Variants in ARHGAP22 observed in about 807,000 individuals in gnomAD.
ARHGAP22 encodes rho GTPase-activating protein 22.
Under a neutral mutation model 59.1 loss-of-function variants are expected in ARHGAP22, and 48 were observed. The ratio of observed to expected loss-of-function variants is 0.81; its 90% confidence interval spans 0.64 to 1.03. The LOEUF is 1.03. Among genes scored for constraint, ARHGAP22 ranks in the 50% least tolerant of loss-of-function variants. ARHGAP22 has a pLI of 0.00. For synonymous variants in ARHGAP22, 445 were observed against 416.4 expected, an observed-to-expected ratio of 1.07 and a Z score of -0.84; for missense variants, 1,015 against 958.7, an observed-to-expected ratio of 1.06 and a Z score of -0.78.
At chr10:48,487,829 G>A (rs943079464) in intron 3 of ARHGAP22, among the ~76,000 whole-genome samples, 3 of 152,204 alleles carry the variant, frequency 2.0e-5, no homozygotes. Flanking sequence ...CACTTTGGGA[G>A]GCTGAGGTGG....
Position 48,450,466 on chromosome 10 carries a change from G to A in ARHGAP22, c.1663C>T (p.Pro555Ser). 6.5e-7 allele frequency: 1 copy of A among 1,543,264 alleles called. No homozygotes were observed. Among genetic ancestry groups the A allele is most frequent in the Non-Finnish European group, 8.7e-7 (1 of 1,143,308 alleles). Residue 555 changes from proline to serine, a missense_variant, in exon 9 of 10, where the codon CCC becomes TCC. Transcript: ENST00000249601. Reference sequence around the variant, plus strand: ...GACTTGGGGTCCTCGCTGCTGCTGGGGAGCGGGGAGGGCTCCAGGGCCCAG... The same window carrying A: ...GACTTGGGGTCCTCGCTGCTGCTGGAGAGCGGGGAGGGCTCCAGGGCCCAG... Reference protein sequence around the residue: ...TDWALEPSPLPSSSEDPKSLD... With the variant: ...TDWALEPSPLSSSSEDPKSLD...
intron 2 of ARHGAP22, among the ~76,000 whole-genome samples, chr10:48,576,969 G>A (rs2058755707): frequency 7.1e-6 from 1 of 141,732 alleles, no homozygotes; most frequent in African/African-American, 2.6e-5. Flanking sequence ...GGTAATTTTG[G>A]TTATCTCAGT....
intron 3 of ARHGAP22, among the ~76,000 whole-genome samples, chr10:48,553,992 A>G (rs1205946334): frequency 6.6e-6 from 1 of 152,122 alleles, no homozygotes; most frequent in East Asian, 1.9e-4. Flanking sequence ...TTTCTTCTCT[A>G]TCTGAATAGC....
chr10:48,570,732 C>A (rs1409776540), intron 2 of ARHGAP22, among the ~76,000 whole-genome samples: 2 of 152,186 alleles, frequency 1.3e-5, no homozygotes, highest in African/African-American at 4.8e-5. Context: ...TCACCAAGAG[C>A]AATGAGATCC....
intron 1 of ARHGAP22, among the ~76,000 whole-genome samples, chr10:48,637,640 GGATGGATA>G (rs1377219618): frequency 6.6e-6 from 1 of 151,864 alleles, no homozygotes; most frequent in Non-Finnish European, 1.5e-5. Context: ...GTGAATAGAT[GGATGGATA>G]GATGGATAGA....
At chr10:48,647,898 C>T (rs575377500) in intron 1 of ARHGAP22, among the ~76,000 whole-genome samples, 4 of 152,168 alleles carry the variant, frequency 2.6e-5, no homozygotes, top group Non-Finnish European at 5.9e-5. Context: ...ACATGAATGA[C>T]CCTCAAAACG....
chr10:48,615,774 TA>T (rs1191808983), intron 1 of ARHGAP22, among the ~76,000 whole-genome samples: 3 of 152,252 alleles, frequency 2.0e-5, no homozygotes, highest in African/African-American at 7.2e-5. Context: ...TATCATCAAG[TA>T]CTGAACTTCG....
intron 3 of ARHGAP22, among the ~76,000 whole-genome samples, chr10:48,523,127 G>A (rs1213949014): frequency 6.6e-6 from 1 of 152,124 alleles, no homozygotes; most frequent in Non-Finnish European, 1.5e-5. Flanking sequence ...TGCTCATTCT[G>A]GCAGAGCCTG....
intron 1 of ARHGAP22, among the ~76,000 whole-genome samples, chr10:48,597,083 G>A (rs772346996): frequency 2.0e-5 from 3 of 152,130 alleles, no homozygotes; most frequent in African/African-American, 4.8e-5. Flanking sequence ...GGCTCTCAAC[G>A]CAGAATGATT....
intron 3 of ARHGAP22, among the ~76,000 whole-genome samples, chr10:48,501,395 G>T (rs2051507644): frequency 6.6e-6 from 1 of 152,222 alleles, no homozygotes; most frequent in Non-Finnish European, 1.5e-5. Flanking sequence ...CAGGTGTGTG[G>T]GTAAGGCCAG....
chr10:48,656,265 TGGGGG>T (rs760924651), upstream of ARHGAP22: 2 of 101,644 alleles, frequency 2.0e-5, no homozygotes, highest in East Asian at 6.1e-4. Context: ...TCGGCGCCTC[TGGGGG>T]GGGGGGGGCG....
rs1306888266 is a variant in ARHGAP22, at chr10:48,578,116, C to CT, written c.234+4836dup. Among the ~76,000 whole-genome samples, 6 of 151,994 alleles carry CT rather than the reference C, an allele frequency of 3.9e-5. No homozygotes were observed. The East Asian group carries it at 9.7e-4, about 24-fold the overall frequency. ...GAGCCACTGCGCCTGGCCCTAACTG[C>CT]TTTTTTTTAAGTTAACCTTCACCCA... On this transcript the variant is annotated intron_variant, in intron 2 of 9. Transcript: ENST00000249601.
intron 2 of ARHGAP22, among the ~76,000 whole-genome samples, chr10:48,577,646 T>C (rs1263456389): frequency 6.6e-6 from 1 of 152,012 alleles, no homozygotes; most frequent in Admixed American, 6.6e-5. Context: ...CTCTAAGATA[T>C]TCCACCAAGA....
chr10:48,517,060 G>A (rs993397246), intron 3 of ARHGAP22, among the ~76,000 whole-genome samples: 1 of 152,160 alleles, frequency 6.6e-6, no homozygotes, highest in Non-Finnish European at 1.5e-5. Context: ...GCAGGGCTGG[G>A]GACGAGGGGA....
intron 2 of ARHGAP22, among the ~76,000 whole-genome samples, chr10:48,581,395 C>A (rs1323660073): frequency 6.6e-6 from 1 of 152,342 alleles, no homozygotes; most frequent in East Asian, 1.9e-4. Context: ...CCTCCATATT[C>A]CGTTTCAGAA....
At chr10:48,483,241 G>T (rs1026739447) in intron 3 of ARHGAP22, among the ~76,000 whole-genome samples, 1 of 152,106 alleles carries the variant, frequency 6.6e-6, no homozygotes, top group African/African-American at 2.4e-5. Flanking sequence ...AAACATTGGG[G>T]TACATTAACG....
intron 1 of ARHGAP22, among the ~76,000 whole-genome samples, chr10:48,641,488 CAA>C (rs1359091847): frequency 6.6e-6 from 1 of 152,126 alleles, no homozygotes; most frequent in Admixed American, 6.5e-5. Flanking sequence ...GAACCAAAGA[CAA>C]AAACCACATG....
At chr10:48,652,105 C>A in intron 1 of ARHGAP22, 1 of 861,846 alleles carries the variant, frequency 1.2e-6, no homozygotes, top group Non-Finnish European at 1.8e-6. Context: ...AGGTCAGAAC[C>A]CTGACCACAG....
At chr10:48,583,393 T>A (rs2059236039) in intron 1 of ARHGAP22, among the ~76,000 whole-genome samples, 1 of 152,252 alleles carries the variant, frequency 6.6e-6, no homozygotes, top group Non-Finnish European at 1.5e-5. Context: ...TAGTTTCTGC[T>A]CTGTCTCTGG....
Sources: allele counts gnomAD v4.1 joint callset (sites outside exome capture counted in the v4.1 genomes callset), GRCh38; gene constraint gnomAD v4.1.1; transcripts MANE v1.5; gene names NCBI Gene and HGNC (gene_info 2026-07-23, HGNC 2026-07-21).